The following TRIM5 variants were observed in gnomAD, a reference collection of about 807,000 sequenced individuals.
TRIM5 encodes the protein tripartite motif containing 5.
TRIM5 carries 31 observed loss-of-function variants against 35.6 expected under a neutral mutation model. The ratio of observed to expected loss-of-function variants is 0.87; its 90% confidence interval spans 0.65 to 1.18. TRIM5 has a LOEUF of 1.18. Ranked by LOEUF, TRIM5 falls within the 50% of genes most tolerant of loss-of-function variation. The pLI is 0.00. For synonymous variants in TRIM5, 243 were observed against 215.6 expected, an observed-to-expected ratio of 1.13 and a Z score of -1.11; for missense variants, 609 against 591.6, an observed-to-expected ratio of 1.03 and a Z score of -0.31.
chr11:5,672,361 G>T lies in TRIM5; in HGVS notation c.745-4650C>A, dbSNP rs552810952. ...CAAGTAGGTGGGATTACAGGCACGT[G>T]CCACCATGTCCAGCTAATTTTTGTA... On this transcript the variant is annotated intron_variant, in intron 4 of 7. Coordinates refer to ENST00000380034, the MANE Select transcript of TRIM5 (RefSeq NM_033034.3). Among the ~76,000 whole-genome samples, 78 of 152,118 alleles carry T rather than the reference G, an allele frequency of 5.1e-4. 2 individuals are homozygous for T. In the South Asian group the frequency reaches 0.016, roughly 31 times the overall value.
chr11:5,634,079 C>T, the TRIM5 span, among the ~76,000 whole-genome samples: 3 of 152,212 alleles, frequency 2.0e-5, no homozygotes, highest in African/African-American at 7.2e-5. Context: ...TACAATTACA[C>T]ATACATACCT....
the TRIM5 span, among the ~76,000 whole-genome samples, chr11:5,619,157 T>C: frequency 6.6e-6 from 1 of 152,344 alleles, no homozygotes; most frequent in South Asian, 2.1e-4. Context: ...CTGCAAGTAC[T>C]TATTGACAAA....
Position 5,664,764 on chromosome 11 carries a change from T to G in TRIM5, c.*45A>C. On this transcript the variant is annotated 3_prime_UTR_variant, in exon 8 of 8. Coordinates refer to ENST00000380034, the MANE Select transcript of TRIM5 (RefSeq NM_033034.3). ...TGAGTTCAGGTGTATGAGATGCACC[T>G]GGACAAGAGGTGCTGTACAGAAGGG... 6.6e-7 allele frequency: 1 copy of G among 1,525,928 alleles called. No homozygotes were observed. Among genetic ancestry groups the G allele is most frequent in the South Asian group, 1.3e-5 (1 of 74,628 alleles). 94.5% of individuals were successfully genotyped at this position (1,525,928 alleles called of 1,614,324 possible). A position where few individuals can be genotyped will look rare whatever the true frequency, so the allele number is the denominator to read the frequency against.
the TRIM5 span, among the ~76,000 whole-genome samples, chr11:5,629,848 C>T: frequency 6.6e-6 from 1 of 152,202 alleles, no homozygotes; most frequent in Non-Finnish European, 1.5e-5. Context: ...GCTGGGACTA[C>T]AGGCGCCCGC....
chr11:5,589,347 T>G, the TRIM5 span: 2 of 152,074 alleles, frequency 1.3e-5, no homozygotes, highest in East Asian at 3.8e-4. Flanking sequence ...GGAAATTATA[T>G]TGAGCTGAAA....
the TRIM5 span, among the ~76,000 whole-genome samples, chr11:5,634,067 G>GT: frequency 6.6e-6 from 1 of 152,172 alleles, no homozygotes; most frequent in Non-Finnish European, 1.5e-5. Context: ...AAGTGGACAT[G>GT]TTACAATTAC....
the TRIM5 span, chr11:5,597,032 T>C: frequency 3.9e-5 from 60 of 1,539,348 alleles, no homozygotes; most frequent in African/African-American, 8.1e-4. Flanking sequence ...TTTCTTTTTC[T>C]TTCTCACTGC....
At chr11:5,635,033 G>A in the TRIM5 span, among the ~76,000 whole-genome samples, 1 of 151,970 alleles carries the variant, frequency 6.6e-6, no homozygotes, top group Non-Finnish European at 1.5e-5. Context: ...ATGAAGTAAG[G>A]GAATACATTT....
the TRIM5 span, among the ~76,000 whole-genome samples, chr11:5,607,165 C>A: frequency 6.6e-6 from 1 of 152,018 alleles, no homozygotes; most frequent in African/African-American, 2.4e-5. Context: ...GATCGCACCA[C>A]TGCACTCCAG....
chr11:5,609,078 TA>T, the TRIM5 span, among the ~76,000 whole-genome samples: 1 of 151,992 alleles, frequency 6.6e-6, no homozygotes, highest in African/African-American at 2.4e-5. Context: ...TCAATTCCAG[TA>T]AAAACGTAAA....
the TRIM5 span, chr11:5,596,807 A>G: frequency 6.2e-7 from 1 of 1,605,574 alleles, no homozygotes; most frequent in East Asian, 2.2e-5. Context: ...CTGTTCCTTA[A>G]GATTAGTTTA....
chr11:5,630,297 T>A, the TRIM5 span, among the ~76,000 whole-genome samples: 1 of 152,158 alleles, frequency 6.6e-6, no homozygotes, highest in East Asian at 1.9e-4. Context: ...AACCTTTTTT[T>A]CCCCCACATG....
chr11:5,671,776 A>G (rs544225836), intron 4 of TRIM5, among the ~76,000 whole-genome samples: 29 of 151,772 alleles, frequency 1.9e-4, no homozygotes, highest in African/African-American at 6.5e-4. Flanking sequence ...GATCTATTAC[A>G]TGTATGTTGC....
chr11:5,590,312 G>A, the TRIM5 span: 1 of 154,812 alleles, frequency 6.5e-6, no homozygotes, highest in African/African-American at 2.4e-5. Context: ...CCCCTGTGTG[G>A]GATCCACTAG....
At chr11:5,647,916 A>AC in the TRIM5 span, among the ~76,000 whole-genome samples, 3 of 151,768 alleles carry the variant, frequency 2.0e-5, no homozygotes, top group Admixed American at 2.0e-4. Context: ...CCCTAATACC[A>AC]CTATTGATCC....
At chr11:5,613,097 T>C in the TRIM5 span, 1 of 152,206 alleles carries the variant, frequency 6.6e-6, no homozygotes, top group East Asian at 1.9e-4. Context: ...TAAAAGCCTA[T>C]GGACTCAGGA....
the TRIM5 span, among the ~76,000 whole-genome samples, chr11:5,650,286 C>G: frequency 6.6e-6 from 1 of 152,154 alleles, no homozygotes; most frequent in African/African-American, 2.4e-5. Context: ...GGCCATTGCC[C>G]GTGATTCAGT....
the TRIM5 span, chr11:5,643,509 A>T: frequency 6.2e-7 from 1 of 1,613,496 alleles, no homozygotes; most frequent in Non-Finnish European, 8.5e-7. Context: ...CGAGGTTTTG[A>T]CTCTCTCCAT....
At chr11:5,653,496 G>GTTT in the TRIM5 span, among the ~76,000 whole-genome samples, 3 of 132,656 alleles carry the variant, frequency 2.3e-5, no homozygotes, top group Non-Finnish European at 4.9e-5. Context: ...TGTTTTTTTT[G>GTTT]TTTTTTTTTT....
Sources: gnomAD v4.1 joint callset for allele counts (sites outside exome capture counted in the v4.1 genomes callset) on GRCh38, gnomAD v4.1.1 for gene constraint, MANE v1.5 for transcripts, NCBI Gene and HGNC (gene_info 2026-07-23, HGNC 2026-07-21) for gene names.